The following SLC36A1 variants were observed in gnomAD, a reference collection of about 807,000 sequenced individuals.
SLC36A1 encodes proton-coupled amino acid transporter 1.
SLC36A1 carries 30 observed loss-of-function variants against 47.5 expected under a neutral mutation model. The ratio of observed to expected loss-of-function variants is 0.63; its 90% CI spans 0.47 to 0.86. SLC36A1 has a LOEUF of 0.86. Ranked by LOEUF, SLC36A1 falls within the 40% of genes least tolerant of loss-of-function variation. The pLI is 0.00. For synonymous variants in SLC36A1, 255 were observed against 249.7 expected (o/e 1.02, Z -0.20); for missense variants, 517 against 606.0 (o/e 0.85, Z 1.54).
the SLC36A1 span, chr5:151,509,696 C>T: frequency 4.2e-5 from 10 of 239,976 alleles, no homozygotes; most frequent in African/African-American, 1.3e-4. Flanking sequence ...ACTGATTCTA[C>T]GTTATGGTGA....
At chr5:151,477,680 A>G (rs189354853) in intron 9 of SLC36A1, 118 of 152,378 alleles carry the variant, frequency 7.7e-4, no homozygotes, top group African/African-American at 2.7e-3. Context: ...ATTTGGATAC[A>G]TATGTACAAT....
At chr5:151,460,631 G>C (rs1310377196) in intron 2 of SLC36A1, among the ~76,000 whole-genome samples, 1 of 151,994 alleles carries the variant, frequency 6.6e-6, no homozygotes, top group Non-Finnish European at 1.5e-5. Flanking sequence ...GGGGCTTAGA[G>C]GACTGGTTGA....
the SLC36A1 span, chr5:151,551,602 C>T: frequency 6.2e-7 from 1 of 1,613,974 alleles, no homozygotes; most frequent in Non-Finnish European, 8.5e-7. Context: ...TGTCCTTATC[C>T]CCACCTAGAG....
chr5:151,512,604 C>T, the SLC36A1 span: 7 of 1,597,238 alleles, frequency 4.4e-6, no homozygotes, highest in Non-Finnish European at 5.1e-6. This position sits in a 1 kb window ranked among gnomAD's most constrained non-coding sequence, Gnocchi z 4.1. Flanking sequence ...CTCCACTGGC[C>T]AGCTGCAAAG....
At chr5:151,509,398 C>G in the SLC36A1 span, 3 of 152,328 alleles carry the variant, frequency 2.0e-5, no homozygotes, top group African/African-American at 7.2e-5. Context: ...GTCCACAACC[C>G]CTGGGTCACG....
In SLC36A1 at chr5:151,484,147, A is replaced by G. The variant is rs1333814118; in HGVS notation, c.1160-3836A>G. Among the ~76,000 whole-genome samples, 5 of 152,264 alleles carry G rather than the reference A, an allele frequency of 3.3e-5. No homozygotes were observed. The South Asian group carries it at 1.0e-3, about 32-fold the overall frequency. ...CAGAGTGGAGCATCTCTCTGACTCCACTTAACTATCATGAAGTGCCCATAT... is the reference window on the plus strand; with the variant it reads ...CAGAGTGGAGCATCTCTCTGACTCCGCTTAACTATCATGAAGTGCCCATAT... On this transcript the variant is annotated intron_variant, in intron 10 of 10. Transcript: ENST00000243389.
the SLC36A1 span, among the ~76,000 whole-genome samples, chr5:151,372,723 C>T: frequency 6.6e-6 from 1 of 152,118 alleles, no homozygotes; most frequent in South Asian, 2.1e-4. Context: ...GCTGGGATTA[C>T]AGGCATGAGC....
intron 10 of SLC36A1, among the ~76,000 whole-genome samples, chr5:151,484,760 A>G (rs1759294530): frequency 6.6e-6 from 1 of 152,320 alleles, no homozygotes; most frequent in East Asian, 1.9e-4. Flanking sequence ...CATCCTGTTT[A>G]GTAGTTGGGG....
the SLC36A1 span, among the ~76,000 whole-genome samples, chr5:151,403,182 C>T: frequency 6.6e-6 from 1 of 152,036 alleles, no homozygotes; most frequent in East Asian, 1.9e-4. Flanking sequence ...TTTTGCTGCA[C>T]CCCAGAGATG....
chr5:151,380,413 A>G, the SLC36A1 span: 133 of 399,504 alleles, frequency 3.3e-4, no homozygotes, highest in African/African-American at 2.4e-3. Flanking sequence ...GTGGAAACCC[A>G]AAGGAAGAAG....
At chr5:151,524,011 G>T in the SLC36A1 span, among the ~76,000 whole-genome samples, 1 of 152,012 alleles carries the variant, frequency 6.6e-6, no homozygotes, top group Non-Finnish European at 1.5e-5. Context: ...AAATATGTCC[G>T]AAATCTCTCC....
At chr5:151,537,942 A>G in the SLC36A1 span, 1 of 1,613,804 alleles carries the variant, frequency 6.2e-7, no homozygotes, top group East Asian at 2.2e-5. Context: ...GCCAGTATAG[A>G]GAAGCTAGAG....
the SLC36A1 span, chr5:151,543,829 G>T: frequency 6.2e-7 from 1 of 1,614,010 alleles, no homozygotes; most frequent in Non-Finnish European, 8.5e-7. Flanking sequence ...AATTATTCCC[G>T]ATGAGCTGTT....
At chr5:151,551,623 G>A in the SLC36A1 span, 1 of 1,613,768 alleles carries the variant, frequency 6.2e-7, no homozygotes, top group Non-Finnish European at 8.5e-7. Flanking sequence ...TGGGAGTGGG[G>A]AGAAAGCACA....
chr5:151,546,679 C>T, the SLC36A1 span, among the ~76,000 whole-genome samples: 1 of 152,032 alleles, frequency 6.6e-6, no homozygotes, highest in Non-Finnish European at 1.5e-5. Context: ...GTAGGAAAAG[C>T]TTCAGTTTGC....
chr5:151,526,925 C>T, the SLC36A1 span, among the ~76,000 whole-genome samples: 1 of 152,144 alleles, frequency 6.6e-6, no homozygotes, highest in Admixed American at 6.5e-5. Flanking sequence ...GGGTTCAATC[C>T]CAAGTTTGCC....
chr5:151,382,716 A>G, the SLC36A1 span, among the ~76,000 whole-genome samples: 75,341 of 152,020 alleles, frequency 0.5, 20,700 homozygotes, highest in African/African-American at 0.75. Context: ...CAGAAAACCT[A>G]GGTTGCTTTA....
chr5:151,497,732 A>G, the SLC36A1 span, among the ~76,000 whole-genome samples: 8,365 of 152,122 alleles, frequency 0.055, 709 homozygotes, highest in African/African-American at 0.19. Context: ...TTTTCTGTGC[A>G]TTCTAGGATG....
chr5:151,538,030 G>C, the SLC36A1 span: 1 of 1,251,266 alleles, frequency 8.0e-7, no homozygotes, highest in Admixed American at 2.1e-5. Flanking sequence ...ACTGAGGGAG[G>C]CAGAAGCAGA....
Sources: allele counts gnomAD v4.1 joint callset (sites outside exome capture counted in the v4.1 genomes callset), GRCh38; gene constraint gnomAD v4.1.1; non-coding constraint Gnocchi (gnomAD v3.1); transcripts MANE v1.5; gene names NCBI Gene and HGNC (gene_info 2026-07-23, HGNC 2026-07-21).